The following TNFAIP8 variants were observed in gnomAD, a reference collection of about 807,000 sequenced individuals.
The protein encoded by TNFAIP8 is TNF alpha induced protein 8, also known as tumor necrosis factor alpha-induced protein 8.
A neutral mutation model predicts 13.3 loss-of-function variants in TNFAIP8; 7 were observed. The observed-to-expected ratio is 0.52, with a 90% CI of 0.30 to 0.99. The LOEUF (loss-of-function observed/expected upper bound fraction) is 0.99. Ranked by LOEUF, TNFAIP8 falls within the 50% of genes least tolerant of loss-of-function variation. The pLI is 0.07. For synonymous variants in TNFAIP8, 94 were observed against 87.6 expected, an observed-to-expected ratio of 1.07 and a Z score of -0.41; for missense variants, 258 against 236.9, an observed-to-expected ratio of 1.09 and a Z score of -0.58.
At chr5:119,323,573 A>C (rs1750127352) in intron 1 of TNFAIP8, among the ~76,000 whole-genome samples, 1 of 152,222 alleles carries the variant, frequency 6.6e-6, no homozygotes, top group South Asian at 2.1e-4. Context: ...TTCCAGAGTC[A>C]AAAGTTGCTG....
chr5:119,297,365 C>T (rs1035873843), intron 1 of TNFAIP8, among the ~76,000 whole-genome samples: 2 of 152,022 alleles, frequency 1.3e-5, no homozygotes, highest in African/African-American at 4.8e-5. Flanking sequence ...TGTTATGTAC[C>T]CAGTAGTCAT....
At chr5:119,312,016 A>G (rs1046421591) in intron 1 of TNFAIP8, among the ~76,000 whole-genome samples, 1 of 152,226 alleles carries the variant, frequency 6.6e-6, no homozygotes, top group East Asian at 1.9e-4. Flanking sequence ...AGAGCTTTAT[A>G]TATTGACTAT....
At chr5:119,298,353 C>T (rs1261979448) in intron 1 of TNFAIP8, among the ~76,000 whole-genome samples, 2 of 152,048 alleles carry the variant, frequency 1.3e-5, no homozygotes, top group African/African-American at 4.8e-5. Context: ...TTTTATTTCT[C>T]CTTCACTTAT....
At chr5:119,311,417 C>T (rs914202479) in intron 1 of TNFAIP8, among the ~76,000 whole-genome samples, 5 of 149,286 alleles carry the variant, frequency 3.3e-5, no homozygotes, top group Non-Finnish European at 5.9e-5. Flanking sequence ...ATGGGCTGGG[C>T]GTGGTGGCTC....
At chr5:119,332,503 T>C (rs1223823541) in intron 1 of TNFAIP8, among the ~76,000 whole-genome samples, 1 of 152,158 alleles carries the variant, frequency 6.6e-6, no homozygotes, top group African/African-American at 2.4e-5. Flanking sequence ...GTGTTATTGC[T>C]ACAGAGTATA....
chr5:119,339,313 T>G (rs1018668453), intron 1 of TNFAIP8, among the ~76,000 whole-genome samples: 8 of 152,142 alleles, frequency 5.3e-5, no homozygotes, highest in African/African-American at 7.2e-5. Flanking sequence ...AGGCTTGGGT[T>G]GCCTAAACTC....
At chr5:119,294,618 C>T (rs1456564137) in intron 1 of TNFAIP8, among the ~76,000 whole-genome samples, 2 of 152,206 alleles carry the variant, frequency 1.3e-5, no homozygotes, top group African/African-American at 2.4e-5. Flanking sequence ...GGCATCTCCA[C>T]ACTGACTTCC....
chr5:119,356,832 GTTTA>G (rs1349620915), intron 1 of TNFAIP8, among the ~76,000 whole-genome samples: 2 of 152,008 alleles, frequency 1.3e-5, no homozygotes, highest in African/African-American at 2.4e-5. Flanking sequence ...AGTTTGGGGA[GTTTA>G]TTTGTGTGTG....
intron 1 of TNFAIP8, among the ~76,000 whole-genome samples, chr5:119,364,654 C>T (rs960309620): frequency 4.6e-5 from 7 of 151,416 alleles, no homozygotes; most frequent in African/African-American, 1.5e-4. Flanking sequence ...AGTTATCACT[C>T]TTATCATTTA....
intron 1 of TNFAIP8, among the ~76,000 whole-genome samples, chr5:119,376,774 C>T (rs560663946): frequency 8.5e-5 from 13 of 152,074 alleles, no homozygotes; most frequent in African/African-American, 2.4e-4. Flanking sequence ...TCTGAATGGA[C>T]GGTCAATGAG....
chr5:119,373,642 G>T (rs73241292), intron 1 of TNFAIP8, among the ~76,000 whole-genome samples: 2,098 of 152,302 alleles, frequency 0.014, 43 homozygotes, highest in African/African-American at 0.048. Context: ...CTGTTGAGAC[G>T]GAAGGGATTG....
Position 119,399,603 on chromosome 5 carries a change from T to C in TNFAIP8, c.*6222T>C, listed in dbSNP as rs1232653543. ...TTGCTTTCAATTTAGGAAAATTGTT[T>C]TGGGTTGCATTGTTGAAAGTAATGA... On this transcript the variant is annotated 3_prime_UTR_variant, in exon 2 of 2. Transcript: ENST00000504771. The C allele has an allele frequency of 1.3e-5, 2 of 152,202 alleles. No homozygotes were observed. Among genetic ancestry groups the C allele is most frequent in the Non-Finnish European group, 2.9e-5 (2 of 68,032 alleles). 9.4% of individuals were successfully genotyped at this position (152,202 alleles called of 1,614,324 possible).
intron 1 of TNFAIP8, among the ~76,000 whole-genome samples, chr5:119,321,203 T>C (rs62375109): frequency 0.32 from 49,154 of 152,040 alleles, 8,777 homozygotes; most frequent in African/African-American, 0.47. Flanking sequence ...GGCAACACCG[T>C]GAGACTCCAT....
chr5:119,311,688 C>CAAAAAAAAAAAAA (rs55965350), intron 1 of TNFAIP8, among the ~76,000 whole-genome samples: 2 of 66,664 alleles, frequency 3.0e-5, no homozygotes, highest in African/African-American at 6.5e-5. Context: ...GACTCCGTCT[C>CAAAAAAAAAAAAA]AAAAAAAAAA....
chr5:119,351,227 A>T (rs994512140), upstream of TNFAIP8, among the ~76,000 whole-genome samples: 1 of 152,002 alleles, frequency 6.6e-6, no homozygotes, highest in Non-Finnish European at 1.5e-5. Flanking sequence ...GGGTCTCTCT[A>T]TGTTGTCCAA....
At chr5:119,315,961 G>A (rs1749880965) in intron 1 of TNFAIP8, among the ~76,000 whole-genome samples, 1 of 152,104 alleles carries the variant, frequency 6.6e-6, no homozygotes, top group Non-Finnish European at 1.5e-5. Flanking sequence ...CTTCATTGTA[G>A]AGCTGGCATT....
At chr5:119,288,525 C>T (rs1410719872) in intron 1 of TNFAIP8, among the ~76,000 whole-genome samples, 2 of 152,238 alleles carry the variant, frequency 1.3e-5, no homozygotes, top group Non-Finnish European at 1.5e-5. Flanking sequence ...AAATACACAT[C>T]TTTAAGAGAT....
chr5:119,313,781 G>T (rs992360796), intron 1 of TNFAIP8, among the ~76,000 whole-genome samples: 2 of 152,204 alleles, frequency 1.3e-5, no homozygotes, highest in Non-Finnish European at 2.9e-5. Context: ...TGCTTAAGAA[G>T]TTTATACACT....
Position 119,295,206 on chromosome 5 carries a change from GGTCT to G in TNFAIP8, c.1+26300_1+26303del, listed in dbSNP as rs1239711195. ...CGTTTAGTCTAACGTTAGACCTATA[GGTCT>G]AACGTTTAGTCTAACGTTAGACCTA... On this transcript the variant is annotated intron_variant, in intron 1 of 1. Transcript: ENST00000274456. Among the ~76,000 whole-genome samples the G allele has an allele frequency of 4.8e-3, 242 of 50,912 alleles. 3 individuals are homozygous for G. Among genetic ancestry groups the G allele is most frequent in the Non-Finnish European group, 6.9e-3 (195 of 28,362 alleles). 33.4% of individuals were successfully genotyped at this position (50,912 alleles called of 152,430 possible). A position where few individuals can be genotyped will look rare whatever the true frequency, so the allele number is the denominator to read the frequency against.
Sources: allele counts gnomAD v4.1 joint callset (sites outside exome capture counted in the v4.1 genomes callset), GRCh38; gene constraint gnomAD v4.1.1; transcripts MANE v1.5; gene names NCBI Gene and HGNC (gene_info 2026-07-23, HGNC 2026-07-21).